The following CTNND2 variants were observed in gnomAD, a reference collection of about 807,000 sequenced individuals.
CTNND2 encodes catenin delta 2.
A neutral mutation model predicts 144.4 loss-of-function variants in CTNND2; 22 were observed. The observed-to-expected ratio is 0.15, with a 90% CI of 0.11 to 0.22. The LOEUF is 0.22. Ranked by LOEUF, CTNND2 falls within the 10% of genes least tolerant of loss-of-function variation. The pLI, the probability that CTNND2 is intolerant of heterozygous loss-of-function variation, is 1.00. For synonymous variants in CTNND2, 751 were observed against 695.6 expected, an observed-to-expected ratio of 1.08 and a Z score of -1.25; for missense variants, 1,353 against 1,618.8, an observed-to-expected ratio of 0.84 and a Z score of 2.82.
Position 11,439,785 on chromosome 5 carries a change from TATC to T in CTNND2, c.288-27719_288-27717del, listed in dbSNP as rs1764101582. ...CTATCTATCTATCTATCTATCTATC[TATC>T]TATCTATCTATCTTATATATATGTG... On this transcript the variant is annotated intron_variant, in intron 3 of 21. Transcript: ENST00000304623. Among the ~76,000 whole-genome samples the T allele has an allele frequency of 6.6e-5, 10 of 150,924 alleles. No individual in the cohort carries two copies. In the South Asian group the frequency reaches 2.1e-3, roughly 32 times the overall value.
intron 1 of CTNND2, among the ~76,000 whole-genome samples, chr5:11,883,947 T>G (rs572823461): frequency 6.6e-6 from 1 of 152,230 alleles, no homozygotes. Context: ...TTGAGCTTTT[T>G]TCATATGTTT....
Position 11,510,624 on chromosome 5 carries a change from C to T in CTNND2, c.287+54320G>A, listed in dbSNP as rs116581046. Among the ~76,000 whole-genome samples the T allele has an allele frequency of 5.1e-3, 773 of 152,254 alleles. 7 individuals carry two copies. Among genetic ancestry groups the T allele is most frequent in the African/African-American group, 0.015 (644 of 41,554 alleles). On this transcript the variant is annotated intron_variant, in intron 3 of 21. Transcript: ENST00000304623. ...TAATTCAAAGTAACAGAAAAGCAAACACACTCAAATTTAAAATGCATTTGA... is the reference window on the plus strand; with the variant it reads ...TAATTCAAAGTAACAGAAAAGCAAATACACTCAAATTTAAAATGCATTTGA...
intron 3 of CTNND2, among the ~76,000 whole-genome samples, chr5:11,447,939 A>C (rs1320634000): frequency 6.6e-6 from 1 of 152,162 alleles, no homozygotes; most frequent in Non-Finnish European, 1.5e-5. Flanking sequence ...AGAGGGTTTG[A>C]TATGCATTCA....
intron 2 of CTNND2, among the ~76,000 whole-genome samples, chr5:11,714,362 C>T (rs570228820): frequency 6.6e-6 from 1 of 152,256 alleles, no homozygotes; most frequent in East Asian, 1.9e-4. Flanking sequence ...ATGAATTTCT[C>T]TCTTCCTCTC....
chr5:11,714,685 T>A lies in CTNND2; in HGVS notation c.174+17451A>T, dbSNP rs139155375. 5.4e-3 allele frequency among the ~76,000 whole-genome samples: 821 copies of A among 151,916 alleles called. 7 individuals carry two copies. Among genetic ancestry groups the A allele is most frequent in the African/African-American group, 0.019 (792 of 41,424 alleles). On this transcript the variant is annotated intron_variant, in intron 2 of 21. Coordinates refer to ENST00000304623, the MANE Select transcript of CTNND2 (RefSeq NM_001332.4). The stretch of plus-strand genomic sequence containing the variant: ...ACTTTGGGAGGCCGAGGCGGGCGGA[T>A]CAAGAGGTCAGGAGATCGAGACTAT...
intron 16 of CTNND2, among the ~76,000 whole-genome samples, chr5:11,034,093 G>A (rs1743796373): frequency 1.3e-5 from 2 of 152,242 alleles, no homozygotes; most frequent in Admixed American, 6.5e-5. Flanking sequence ...TTCAGGTAAA[G>A]GAAATCCTTG....
intron 5 of CTNND2, 35 bp from the exon 6 acceptor site, chr5:11,397,238 G>A (rs1364011571): frequency 1.9e-6 from 3 of 1,583,682 alleles, no homozygotes; most frequent in Admixed American, 1.7e-5. Flanking sequence ...GTCAGTGACA[G>A]TCTCAGTGAA....
At chr5:11,627,290 A>T (rs1244091136) in intron 2 of CTNND2, among the ~76,000 whole-genome samples, 1 of 152,218 alleles carries the variant, frequency 6.6e-6, no homozygotes, top group Non-Finnish European at 1.5e-5. Context: ...AGATGTCCCC[A>T]GTTCTGCAAA....
chr5:11,340,421 G>C (rs1169080495), intron 9 of CTNND2, among the ~76,000 whole-genome samples: 3 of 152,192 alleles, frequency 2.0e-5, no homozygotes, highest in Non-Finnish European at 4.4e-5. Flanking sequence ...GGATTCAGAG[G>C]GAGAGGTCCT....
chr5:11,797,963 T>G (rs1791484180), intron 1 of CTNND2, among the ~76,000 whole-genome samples: 1 of 152,122 alleles, frequency 6.6e-6, no homozygotes, highest in Non-Finnish European at 1.5e-5. Flanking sequence ...AGTGTCTTAA[T>G]AGTTTGTGTT....
At chr5:11,718,350 C>A (rs1455377036) in intron 2 of CTNND2, among the ~76,000 whole-genome samples, 2 of 152,130 alleles carry the variant, frequency 1.3e-5, no homozygotes, top group African/African-American at 4.8e-5. Context: ...TTTCTGGAAA[C>A]CCCAGAACTT....
At chr5:11,794,069 T>C (rs4701919) in intron 1 of CTNND2, among the ~76,000 whole-genome samples, 149,015 of 152,350 alleles carry the variant, frequency 0.98, 72,954 homozygotes, top group South Asian at 1. Flanking sequence ...GCCCACTGCA[T>C]GTCAGTGTAC....
At chr5:11,563,315 T>A (rs1369872677) in intron 3 of CTNND2, among the ~76,000 whole-genome samples, 1 of 152,306 alleles carries the variant, frequency 6.6e-6, no homozygotes, top group South Asian at 2.1e-4. Context: ...CAACTCGACA[T>A]CAAGTCAATG....
At chr5:11,570,311 C>T (rs1777459631) in intron 2 of CTNND2, among the ~76,000 whole-genome samples, 1 of 152,178 alleles carries the variant, frequency 6.6e-6, no homozygotes, top group Non-Finnish European at 1.5e-5. Context: ...TCCTTTGTCC[C>T]TCTCTTCCGT....
intron 10 of CTNND2, among the ~76,000 whole-genome samples, chr5:11,232,333 G>T (rs112818473): frequency 1.5e-3 from 4 of 2,614 alleles, no homozygotes; most frequent in Non-Finnish European, 2.8e-3. Flanking sequence ...AAAAGCTGCA[G>T]ACACTCAACA....
At chr5:11,741,977 A>G (rs1197324959) in intron 1 of CTNND2, among the ~76,000 whole-genome samples, 1 of 151,600 alleles carries the variant, frequency 6.6e-6, no homozygotes. Flanking sequence ...ATATGTTCTC[A>G]CTCATAAGTG....
At chr5:11,543,323 A>G (rs1774926444) in intron 3 of CTNND2, among the ~76,000 whole-genome samples, 1 of 152,136 alleles carries the variant, frequency 6.6e-6, no homozygotes, top group Admixed American at 6.6e-5. Context: ...AGATACAGAC[A>G]TTCCTTCATG....
intron 5 of CTNND2, among the ~76,000 whole-genome samples, chr5:11,404,599 A>ATTTTTTTTT (rs1405789135): frequency 1.8e-4 from 6 of 32,766 alleles, no homozygotes; most frequent in Admixed American, 4.4e-4. Context: ...CAGTATCTGT[A>ATTTTTTTTT]TTCTTTTTTT....
intron 1 of CTNND2, among the ~76,000 whole-genome samples, chr5:11,746,763 A>G (rs1788337889): frequency 6.6e-6 from 1 of 152,188 alleles, no homozygotes; most frequent in South Asian, 2.1e-4. Flanking sequence ...AAGAGCTGGC[A>G]TCATTAAATG....
Sources: allele counts gnomAD v4.1 joint callset (sites outside exome capture counted in the v4.1 genomes callset), GRCh38; gene constraint gnomAD v4.1.1; transcripts MANE v1.5; gene names NCBI Gene and HGNC (gene_info 2026-07-23, HGNC 2026-07-21).